Variants in TIAM1 observed in about 807,000 individuals in gnomAD.
TIAM1 encodes the protein TIAM Rac1 associated GEF 1, also known as rho guanine nucleotide exchange factor TIAM1.
Under a neutral mutation model 163.5 loss-of-function variants are expected in TIAM1, and 65 were observed. That is an observed-to-expected ratio of 0.40 (90% CI 0.33 to 0.49). The LOEUF (loss-of-function observed/expected upper bound fraction) is 0.49. Among genes scored for constraint, TIAM1 ranks in the 20% least tolerant of loss-of-function variants. TIAM1 has a pLI of 0.77. For synonymous variants in TIAM1, 833 were observed against 810.1 expected (o/e 1.03, Z -0.48); for missense variants, 1,789 against 2,044.7 (o/e 0.87, Z 2.41).
intron 2 of TIAM1, among the ~76,000 whole-genome samples, chr21:31,418,977 T>C (rs1386508147): frequency 6.6e-6 from 1 of 152,146 alleles, no homozygotes; most frequent in Non-Finnish European, 1.5e-5. Flanking sequence ...AGGTTGAAGA[T>C]GTGTGCAAAT....
At chr21:31,201,095 T>G (rs563634290) in intron 12 of TIAM1, among the ~76,000 whole-genome samples, 1 of 152,292 alleles carries the variant, frequency 6.6e-6, no homozygotes, top group South Asian at 2.1e-4. Flanking sequence ...GTGAAAAATA[T>G]GAGGAACATG....
chr21:31,210,709 AAGAAAG>A (rs2086794299), intron 10 of TIAM1, among the ~76,000 whole-genome samples: 2 of 129,836 alleles, frequency 1.5e-5, no homozygotes, highest in Non-Finnish European at 3.0e-5. Flanking sequence ...AAGAAAGAGA[AAGAAAG>A]AGAAAGAAAG....
intron 2 of TIAM1, among the ~76,000 whole-genome samples, chr21:31,456,725 T>A (rs2045117153): frequency 6.6e-6 from 1 of 152,198 alleles, no homozygotes; most frequent in South Asian, 2.1e-4. Context: ...ACTGGCTTAT[T>A]TATTTTGAAG....
intron 13 of TIAM1, among the ~76,000 whole-genome samples, chr21:31,188,548 T>A (rs2085403883): frequency 6.6e-6 from 1 of 152,158 alleles, no homozygotes; most frequent in South Asian, 2.1e-4. Flanking sequence ...ATGCCATCAT[T>A]CTACTACATT....
chr21:31,392,533 G>A (rs1303686338), intron 2 of TIAM1, among the ~76,000 whole-genome samples: 1 of 138,150 alleles, frequency 7.2e-6, no homozygotes, highest in Non-Finnish European at 1.5e-5. Flanking sequence ...TCGCGCCATC[G>A]CACTCCAGCC....
At chr21:31,255,214 C>T (rs1441528628) in intron 4 of TIAM1, among the ~76,000 whole-genome samples, 1 of 152,180 alleles carries the variant, frequency 6.6e-6, no homozygotes, top group Non-Finnish European at 1.5e-5. Flanking sequence ...GGGGAATGCT[C>T]TTGTCATCTG....
intron 23 of TIAM1, among the ~76,000 whole-genome samples, chr21:31,131,383 G>A (rs763874479): frequency 2.2e-4 from 33 of 152,208 alleles, no homozygotes; most frequent in Non-Finnish European, 3.1e-4. Context: ...CATAGACAGT[G>A]ATAATTTAGG....
chr21:31,510,800 G>A (rs181990400), intron 1 of TIAM1, among the ~76,000 whole-genome samples: 2 of 145,992 alleles, frequency 1.4e-5, no homozygotes, highest in Admixed American at 1.4e-4. Flanking sequence ...GGCTACAAGA[G>A]TGAAACTCCA....
Position 31,186,971 on chromosome 21 carries a change from A to G in TIAM1, c.2662+30T>C, listed in dbSNP as rs1169974143. On this transcript the variant is annotated intron_variant, in intron 14 of 27. Transcript: ENST00000541036. The stretch of plus-strand genomic sequence containing the variant: ...AGAAGCCCCAAAGGGCATTTAAGAC[A>G]GACAGACCAGCCCTCCTTCACTGAC... 5 of 1,600,168 alleles carry G rather than the reference A, an allele frequency of 3.1e-6. No homozygotes were observed. In the African/African-American group the frequency reaches 5.4e-5, roughly 17 times the overall value.
chr21:31,263,476 G>A (rs1006867590), intron 4 of TIAM1, among the ~76,000 whole-genome samples: 3 of 152,132 alleles, frequency 2.0e-5, no homozygotes, highest in Non-Finnish European at 4.4e-5. Flanking sequence ...ATTTTAGAAG[G>A]TGACAAGCCA....
Position 31,166,154 on chromosome 21 carries a change from A to C in TIAM1, c.2888-1089T>G, listed in dbSNP as rs1321541149. On this transcript the variant is annotated intron_variant, in intron 15 of 27. Transcript: ENST00000541036. ...TCCTTACTAGCTCCGAATGATACTA[A>C]TCAAAACTGCAGGTCCATGGACCAC... Among the ~76,000 whole-genome samples, 7 of 152,318 alleles carry C rather than the reference A, an allele frequency of 4.6e-5. No individual in the cohort carries two copies. The East Asian group carries it at 1.4e-3, about 29-fold the overall frequency.
chr21:31,391,863 G>A (rs1028786099), intron 2 of TIAM1, among the ~76,000 whole-genome samples: 9 of 152,002 alleles, frequency 5.9e-5, no homozygotes, highest in Non-Finnish European at 8.8e-5. Flanking sequence ...GATTTAGGAC[G>A]GTTAGACTTA....
intron 2 of TIAM1, among the ~76,000 whole-genome samples, chr21:31,291,647 T>A (rs1414716075): frequency 6.6e-6 from 1 of 152,186 alleles, no homozygotes; most frequent in Non-Finnish European, 1.5e-5. Flanking sequence ...CTCAGCCTCC[T>A]GAGTAGCTGG....
intron 1 of TIAM1, among the ~76,000 whole-genome samples, chr21:31,342,611 C>G (rs752010302): frequency 1.3e-5 from 2 of 152,196 alleles, no homozygotes; most frequent in Non-Finnish European, 2.9e-5. Context: ...ATTTGGTTGT[C>G]TTTCCTGTTG....
intron 2 of TIAM1, among the ~76,000 whole-genome samples, chr21:31,448,403 G>A (rs1019080167): frequency 1.3e-5 from 2 of 152,090 alleles, no homozygotes; most frequent in African/African-American, 2.4e-5. Context: ...CCAGGAGTTC[G>A]AGACCAGTCT....
chr21:31,398,331 C>G (rs1303832647), intron 2 of TIAM1, among the ~76,000 whole-genome samples: 1 of 152,276 alleles, frequency 6.6e-6, no homozygotes, highest in East Asian at 1.9e-4. Flanking sequence ...GAATGAAGAA[C>G]TGTGGATAAG....
At chr21:31,220,912 A>C (rs1466795427) in intron 8 of TIAM1, among the ~76,000 whole-genome samples, 2 of 152,134 alleles carry the variant, frequency 1.3e-5, no homozygotes, top group African/African-American at 4.8e-5. Context: ...TACAGCGAGG[A>C]CCCTTCAGTT....
At chr21:31,413,056 T>C (rs1231818958) in intron 2 of TIAM1, among the ~76,000 whole-genome samples, 1 of 152,038 alleles carries the variant, frequency 6.6e-6, no homozygotes, top group Non-Finnish European at 1.5e-5. Context: ...AATCTATGCA[T>C]GTAACAAAAT....
intron 2 of TIAM1, among the ~76,000 whole-genome samples, chr21:31,394,728 T>TCTCTCTCACACA (rs1279053911): frequency 1.4e-4 from 13 of 95,724 alleles, no homozygotes; most frequent in African/African-American, 3.7e-4. Context: ...TCTCTCTCTC[T>TCTCTCTCACACA]CACACACACA....
Sources: allele counts gnomAD v4.1 joint callset (sites outside exome capture counted in the v4.1 genomes callset), GRCh38; gene constraint gnomAD v4.1.1; transcripts MANE v1.5; gene names NCBI Gene and HGNC (gene_info 2026-07-23, HGNC 2026-07-21).